Variants in RORA observed in about 807,000 individuals in gnomAD.
RORA encodes the protein RAR related orphan receptor A.
RORA carries 7 observed loss-of-function variants against 69.5 expected under a neutral mutation model. The ratio of observed to expected loss-of-function variants is 0.10; its 90% CI spans 0.06 to 0.19. The LOEUF is 0.19. Ranked by LOEUF, RORA falls within the 10% of genes least tolerant of loss-of-function variation. The probability of loss-of-function intolerance (pLI) is 1.00; values close to 1 mark genes in which losing one functional copy is unlikely to be tolerated. For synonymous variants in RORA, 261 were observed against 240.8 expected, an observed-to-expected ratio of 1.08 and a Z score of -0.78; for missense variants, 457 against 663.0, an observed-to-expected ratio of 0.69 and a Z score of 3.41.
chr15:60,929,759 G>C (rs1248500258), intron 1 of RORA, among the ~76,000 whole-genome samples: 1 of 152,142 alleles, frequency 6.6e-6, no homozygotes, highest in African/African-American at 2.4e-5. Context: ...ATCCTGAAGT[G>C]TGAGTTTGCA....
At chr15:60,889,865 T>A (rs1330330511) in intron 1 of RORA, among the ~76,000 whole-genome samples, 4 of 152,150 alleles carry the variant, frequency 2.6e-5, no homozygotes, top group Non-Finnish European at 5.9e-5. Flanking sequence ...GAAACGTAAA[T>A]CACGACAACT....
chr15:60,766,644 G>A (rs1489585455), intron 1 of RORA, among the ~76,000 whole-genome samples: 1 of 147,916 alleles, frequency 6.8e-6, no homozygotes, highest in South Asian at 2.2e-4. Flanking sequence ...TTAATAGATT[G>A]CCAAACTTTG....
At chr15:61,165,141 T>C (rs1396622869) in intron 1 of RORA, among the ~76,000 whole-genome samples, 1 of 152,170 alleles carries the variant, frequency 6.6e-6, no homozygotes, top group African/African-American at 2.4e-5. Flanking sequence ...GAAAAAACAC[T>C]TGTTTCATTC....
intron 1 of RORA, among the ~76,000 whole-genome samples, chr15:60,726,662 C>T (rs1458961923): frequency 2.6e-5 from 4 of 152,276 alleles, no homozygotes; most frequent in South Asian, 4.1e-4. Context: ...ATGTGTCTCC[C>T]GTGGGGCTGC....
intron 2 of RORA, among the ~76,000 whole-genome samples, chr15:60,541,760 T>C (rs113076179): frequency 0.024 from 3,616 of 152,298 alleles, 124 homozygotes; most frequent in African/African-American, 0.074. Context: ...TGTCATTTTT[T>C]TCCCCAAGAA....
chr15:61,006,094 G>A (rs760831226), intron 1 of RORA, among the ~76,000 whole-genome samples: 10 of 151,922 alleles, frequency 6.6e-5, no homozygotes, highest in Admixed American at 5.2e-4. Flanking sequence ...TCAGCTTCCC[G>A]AGTAGCTGGG....
At chr15:61,144,683 C>T (rs2079329514) in intron 1 of RORA, among the ~76,000 whole-genome samples, 1 of 152,140 alleles carries the variant, frequency 6.6e-6, no homozygotes, top group Non-Finnish European at 1.5e-5. Flanking sequence ...ATTCTTAATG[C>T]TGTTGAGTGG....
intron 3 of RORA, among the ~76,000 whole-genome samples, chr15:60,526,290 T>A (rs1248964251): frequency 6.6e-6 from 1 of 152,216 alleles, no homozygotes; most frequent in Non-Finnish European, 1.5e-5. Flanking sequence ...TATCTGCTTT[T>A]GACTGTGCTT....
intron 2 of RORA, among the ~76,000 whole-genome samples, chr15:60,585,222 T>G (rs1279992052): frequency 6.6e-6 from 1 of 152,232 alleles, no homozygotes; most frequent in Non-Finnish European, 1.5e-5. Flanking sequence ...GAAATCAGAT[T>G]GTTTTACCAT....
Position 60,494,467 on chromosome 15 carries a change from A to C in RORA, c.*2988T>G, listed in dbSNP as rs1455661749. ...GAAACTTTAATTATAAAAACTATTAAGGATAATTGTTCTGATATCACCCAA... is the reference window on the plus strand; with the variant it reads ...GAAACTTTAATTATAAAAACTATTACGGATAATTGTTCTGATATCACCCAA... On this transcript the variant is annotated 3_prime_UTR_variant, in exon 11 of 11. Coordinates refer to ENST00000335670, the MANE Select transcript of RORA (RefSeq NM_134261.3). The C allele has an allele frequency of 6.6e-6, 1 of 152,256 alleles. No individual in the cohort carries two copies. Among genetic ancestry groups the C allele is most frequent in the Non-Finnish European group, 1.5e-5 (1 of 68,048 alleles). The allele number at this position is 152,256 out of a possible 1,614,324, so 9.4% of individuals were successfully genotyped here.
At chr15:60,671,086 A>ATATATATC (rs996589847) in intron 2 of RORA, among the ~76,000 whole-genome samples, 2 of 144,630 alleles carry the variant, frequency 1.4e-5, no homozygotes, top group African/African-American at 5.4e-5. Flanking sequence ...ATATATATAT[A>ATATATATC]TATATATATA....
At chr15:60,579,532 G>C (rs963790143) in intron 2 of RORA, among the ~76,000 whole-genome samples, 2 of 152,046 alleles carry the variant, frequency 1.3e-5, no homozygotes, top group African/African-American at 4.8e-5. Context: ...TTACAGTACT[G>C]TTGATTTCAT....
At chr15:60,769,207 G>C (rs1378847471) in intron 1 of RORA, among the ~76,000 whole-genome samples, 1 of 152,158 alleles carries the variant, frequency 6.6e-6, no homozygotes, top group Non-Finnish European at 1.5e-5. Flanking sequence ...AAATATTTAA[G>C]AAAAATAATC....
At chr15:60,683,189 T>C (rs1400086039) in intron 1 of RORA, among the ~76,000 whole-genome samples, 2 of 152,134 alleles carry the variant, frequency 1.3e-5, no homozygotes, top group East Asian at 3.9e-4. Flanking sequence ...TTTTACTTTT[T>C]TTGTAGAGAT....
At chr15:60,501,992 T>G (rs2065345785) in intron 8 of RORA, among the ~76,000 whole-genome samples, 1 of 152,228 alleles carries the variant, frequency 6.6e-6, no homozygotes, top group Non-Finnish European at 1.5e-5. Flanking sequence ...TTATTATTAA[T>G]TATTCTGAGA....
intron 1 of RORA, among the ~76,000 whole-genome samples, chr15:60,893,698 C>A (rs2140460065): frequency 6.6e-6 from 1 of 152,208 alleles, no homozygotes; most frequent in African/African-American, 2.4e-5. Context: ...GACAAAGCCT[C>A]TAGGGGATCA....
chr15:61,120,353 G>C (rs978029307), intron 1 of RORA, among the ~76,000 whole-genome samples: 2 of 150,866 alleles, frequency 1.3e-5, no homozygotes, highest in Non-Finnish European at 2.9e-5. Flanking sequence ...TTGTTCCAAA[G>C]GTCTGATATG....
chr15:60,783,442 G>T (rs1372574384), intron 1 of RORA, among the ~76,000 whole-genome samples: 3 of 152,070 alleles, frequency 2.0e-5, no homozygotes, highest in Non-Finnish European at 4.4e-5. Context: ...TTATGAAATG[G>T]CTAAATTGAG....
rs550380747 is a variant in RORA, at chr15:60,910,146, G to A, written c.167-231460C>T. Among the ~76,000 whole-genome samples the A allele has an allele frequency of 1.1e-3, 163 of 152,308 alleles. 1 individual carries two copies. Among genetic ancestry groups the A allele is most frequent in the Non-Finnish European group, 1.3e-3 (91 of 68,030 alleles). ...CCAGGTTCAGAGTCAGATCCATGAG[G>A]CTAAACAAGGGCTAGGTTATTACCA... On this transcript the variant is annotated intron_variant, in intron 1 of 10. Coordinates refer to ENST00000335670, the MANE Select transcript of RORA (RefSeq NM_134261.3).
Sources: allele counts gnomAD v4.1 joint callset (sites outside exome capture counted in the v4.1 genomes callset), GRCh38; gene constraint gnomAD v4.1.1; transcripts MANE v1.5; gene names NCBI Gene and HGNC (gene_info 2026-07-23, HGNC 2026-07-21).